The following MAGEC2 variants were observed in gnomAD, a reference collection of about 807,000 sequenced individuals.
MAGEC2 encodes MAGE family member C2.
For missense variants in MAGEC2, 332 were observed against 282.3 expected, an observed-to-expected ratio of 1.18 and a Z score of -1.26; for synonymous variants, 127 against 115.1, an observed-to-expected ratio of 1.10 and a Z score of -0.66.
rs1247533597 is a variant in MAGEC2 at position 142,202,584 on chromosome X, G to A, written c.*282C>T. ...TTACAGATCACAAAATAAGGGAGAAGGTATTTCCATTTTTTTAACAAAATA... is the reference window on the plus strand; with the variant it reads ...TTACAGATCACAAAATAAGGGAGAAAGTATTTCCATTTTTTTAACAAAATA... On this transcript the variant is annotated 3_prime_UTR_variant, in exon 3 of 3. Transcript: ENST00000247452. 7.1e-6 allele frequency: 2 copies of A among 282,326 alleles called. No homozygotes were observed. Among genetic ancestry groups the A allele is most frequent in the Admixed American group, 5.7e-5 (1 of 17,420 alleles). 23.3% of individuals were successfully genotyped at this position (282,326 alleles called of 1,213,427 possible). A position where few individuals can be genotyped will look rare whatever the true frequency, so the allele number is the denominator to read the frequency against.
At position 142,203,909 on chromosome X, in the gene MAGEC2, C is replaced by G. The variant is rs1394101125; in HGVS notation, c.79G>C (p.Asp27His). Reference sequence around the variant, plus strand: ...TCCTCATCTGTGGGATGCTGTGCATCTACCCAGTCTTCTAACTCAACTGAG... The same window carrying G: ...TCCTCATCTGTGGGATGCTGTGCATGTACCCAGTCTTCTAACTCAACTGAG... Reference protein sequence around the residue: ...PTSVELEDWVDAQHPTDEEEE... With the variant: ...PTSVELEDWVHAQHPTDEEEE... Residue 27 changes from aspartate (D) to histidine (H), a missense_variant, in exon 3 of 3, where the codon GAT becomes CAT. By Grantham distance (81) the Asp-to-His change is moderately conservative. Coordinates refer to ENST00000247452, the MANE Select transcript of MAGEC2 (RefSeq NM_016249.4). The G allele has an allele frequency of 8.5e-7, 1 of 1,179,571 alleles. No individual in the cohort carries two copies.
chrX:142,203,693 G>A lies in MAGEC2; in HGVS notation c.295C>T (p.Pro99Ser), dbSNP rs765614781. The change falls in exon 3 of 3, where the codon CCT (proline) becomes TCT (serine). Residue 99 changes from proline (P) to serine (S), a missense_variant. Coordinates refer to ENST00000247452, the MANE Select transcript of MAGEC2 (RefSeq NM_016249.4). Reference sequence around the variant, plus strand: ...AAAGAGGAGCAGCAGGAGCTCAGAGGACTCTGGGAAGGACCCTGTGGAGGA... The same window carrying A: ...AAAGAGGAGCAGCAGGAGCTCAGAGAACTCTGGGAAGGACCCTGTGGAGGA... Reference protein sequence around the residue: ...QGPPQGPSQSPLSSCCSSFSW... With the variant: ...QGPPQGPSQSSLSSCCSSFSW... 7.4e-6 allele frequency: 9 copies of A among 1,210,361 alleles called. No individual in the cohort carries two copies. The highest frequency in any genetic ancestry group is 6.7e-6 in the Non-Finnish European group (6 of 895,062).
In MAGEC2 at chrX:142,204,970, G is replaced by A. The variant is rs1023473019; in HGVS notation, c.-161+133C>T. On this transcript the variant is annotated intron_variant, in intron 1 of 2. Coordinates refer to ENST00000247452, the MANE Select transcript of MAGEC2 (RefSeq NM_016249.4). ...TACGAGGGCTGATACTTGAGGAGCA[G>A]GGTGGGAATCTCTGGGAATCTGCCC... 4 of 111,939 alleles carry A rather than the reference G, an allele frequency of 3.6e-5. No homozygotes were observed. In the Admixed American group the frequency reaches 3.8e-4, roughly 11 times the overall value. 9.2% of individuals were successfully genotyped at this position (111,939 alleles called of 1,213,427 possible). A position where few individuals can be genotyped will look rare whatever the true frequency, so the allele number is the denominator to read the frequency against.
Position 142,203,737 on chromosome X carries a change from G to A in MAGEC2, c.251C>T (p.Pro84Leu). Reference sequence around the variant, plus strand: ...TGGAGGACCCTGTGGAGGACTACTGGGAATGCTCTCGGTAAGATTTGGTAT... The same window carrying A: ...TGGAGGACCCTGTGGAGGACTACTGAGAATGCTCTCGGTAAGATTTGGTAT... ...GVIPNLTESI[P>L]SSPPQGPPQG... Residue 84 changes from proline (P) to leucine (L), a missense_variant, in exon 3 of 3, where the codon CCC becomes CTC. Coordinates refer to ENST00000247452, the MANE Select transcript of MAGEC2 (RefSeq NM_016249.4). 1 of 1,209,241 alleles carries A rather than the reference G, an allele frequency of 8.3e-7. No individual in the cohort carries two copies. Among genetic ancestry groups the A allele is most frequent in the Non-Finnish European group, 1.1e-6 (1 of 894,292 alleles).
Position 142,203,263 on chromosome X carries a change from T to C in MAGEC2, c.725A>G (p.Asn242Ser). ...CCAGATGACCTCCTCAGAGGCACAG[T>C]TGCCCTTTATGAAGATCACACTCAG... is the stretch of plus-strand genomic sequence containing the variant. ...IILSVIFIKG[N>S]CASEEVIWEV... is the part of the protein sequence containing the mutation. The change falls in exon 3 of 3, where the codon AAC becomes AGC. Residue 242 changes from asparagine to serine, a missense_variant. Asn to Ser is a conservative substitution (Grantham distance 46). Coordinates refer to ENST00000247452, the MANE Select transcript of MAGEC2 (RefSeq NM_016249.4). 8.3e-7 allele frequency: 1 copy of C among 1,211,285 alleles called. No homozygotes were observed. The highest frequency in any genetic ancestry group is 1.1e-6 in the Non-Finnish European group (1 of 895,459).
chrX:142,203,159 C>T lies in MAGEC2; in HGVS notation c.829G>A (p.Val277Ile). Residue 277 changes from valine to isoleucine, a missense_variant, in exon 3 of 3, where the codon GTT becomes ATT. Coordinates refer to ENST00000247452, the MANE Select transcript of MAGEC2 (RefSeq NM_016249.4). ...TCCAGGTAATGTCCCTGCACCCAAA[C>T]TTTAGTGAGGAGCTCCCTAGGCTCC... ...YGEPRELLTK[V>I]WVQGHYLEYR... The T allele has an allele frequency of 8.3e-7, 1 of 1,211,694 alleles. No individual in the cohort carries two copies. The highest frequency in any genetic ancestry group is 1.8e-5 in the South Asian group (1 of 56,946).
chrX:142,203,406 G>C lies in MAGEC2; in HGVS notation c.582C>G (p.Gly194=). 3.3e-6 allele frequency: 4 copies of C among 1,211,416 alleles called. No individual in the cohort carries two copies. Among genetic ancestry groups the C allele is most frequent in the Non-Finnish European group, 4.5e-6 (4 of 895,391 alleles). ...RAREFMELLF[G]LALIEVGPDH... is the part of the protein sequence containing the mutation. ...CAGGGCCCACTTCTATCAGGGCAAGGCCAAAAAGAAGCTCCATGAACTCAC... is the reference window on the plus strand; with the variant it reads ...CAGGGCCCACTTCTATCAGGGCAAGCCCAAAAAGAAGCTCCATGAACTCAC... The change falls in exon 3 of 3, where the codon GGC becomes GGG. Residue 194 remains glycine, a synonymous_variant. Transcript: ENST00000247452.
chrX:142,202,539 T>A lies in MAGEC2; in HGVS notation c.*327A>T. The A allele has an allele frequency of 5.2e-6, 1 of 193,768 alleles. No individual in the cohort carries two copies. The allele number at this position is 193,768 out of a possible 1,213,427, so 16.0% of individuals were successfully genotyped here. ...TGTAAAAAAAAAAAAAAATGCCTAT[T>A]ACAATACCACACTACCCTGTTACAG... On this transcript the variant is annotated 3_prime_UTR_variant, in exon 3 of 3. Coordinates refer to ENST00000247452, the MANE Select transcript of MAGEC2 (RefSeq NM_016249.4).
rs1340592872 is a variant in MAGEC2, at chrX:142,202,792, C to A, written c.*74G>T. 9.7e-7 allele frequency: 1 copy of A among 1,028,204 alleles called. No individual in the cohort carries two copies. The highest frequency in any genetic ancestry group is 1.9e-5 in the African/African-American group (1 of 52,533). 84.7% of individuals were successfully genotyped at this position (1,028,204 alleles called of 1,213,427 possible). A position where few individuals can be genotyped will look rare whatever the true frequency, so the allele number is the denominator to read the frequency against. On this transcript the variant is annotated 3_prime_UTR_variant, in exon 3 of 3. Transcript: ENST00000247452. Reference sequence around the variant, plus strand: ...TGCAAAGAACACTACGTTCCTCGAGCCCCACCTGGCCCTCCACTACCTAGA... The same window carrying A: ...TGCAAAGAACACTACGTTCCTCGAGACCCACCTGGCCCTCCACTACCTAGA...
At position 142,203,720 on chromosome X, in the gene MAGEC2, C is replaced by G. The variant is rs1270578445; in HGVS notation, c.268G>C (p.Gly90Arg). The change falls in exon 3 of 3, where the codon GGT (glycine) becomes CGT (arginine). Residue 90 changes from glycine (G) to arginine (R), a missense_variant. Coordinates refer to ENST00000247452, the MANE Select transcript of MAGEC2 (RefSeq NM_016249.4). ...CTCTGGGAAGGACCCTGTGGAGGAC[C>G]CTGTGGAGGACTACTGGGAATGCTC... ...TESIPSSPPQ[G>R]PPQGPSQSPL... is the part of the protein sequence containing the mutation. The G allele has an allele frequency of 8.3e-7, 1 of 1,208,894 alleles. No individual in the cohort carries two copies. The highest frequency in any genetic ancestry group is 3.0e-5 in the East Asian group (1 of 33,708).
chrX:142,204,923 G>A (rs1464201208), intron 1 of MAGEC2, among the ~76,000 whole-genome samples, 180 bp downstream of exon 1: 1 of 111,538 alleles, frequency 9.0e-6, no homozygotes, highest in Non-Finnish European at 1.9e-5. Context: ...CTGCCACCCC[G>A]CCTGAGCTGA....
In MAGEC2 at chrX:142,204,304, G is replaced by C. The variant is rs2294455; in HGVS notation, c.-67+58C>G. The C allele has an allele frequency of 9.2e-5, 39 of 422,393 alleles. No homozygotes were observed. The East Asian group carries it at 1.5e-3, about 17-fold the overall frequency. 34.8% of individuals were successfully genotyped at this position (422,393 alleles called of 1,213,427 possible). A position where few individuals can be genotyped will look rare whatever the true frequency, so the allele number is the denominator to read the frequency against. ...TAGGTGGGTAGGGCCGGGTGCTGTG[G>C]GGTCTCCTCTGTTTCTGGGGGTAGG... On this transcript the variant is annotated intron_variant, in intron 2 of 2. Coordinates refer to ENST00000247452, the MANE Select transcript of MAGEC2 (RefSeq NM_016249.4).
In MAGEC2 at chrX:142,202,812, C is replaced by A; in HGVS notation, c.*54G>T. 2 of 1,152,455 alleles carry A rather than the reference C, an allele frequency of 1.7e-6. No individual in the cohort carries two copies. The highest frequency in any genetic ancestry group is 2.3e-6 in the Non-Finnish European group (2 of 861,697). The allele number at this position is 1,152,455 out of a possible 1,213,427, so 95.0% of individuals were successfully genotyped here. A position where few individuals can be genotyped will look rare whatever the true frequency, so the allele number is the denominator to read the frequency against. ...TCGAGCCCCACCTGGCCCTCCACTACCTAGAACCTAAACTGCCCTGTTCAA... is the reference window on the plus strand; with the variant it reads ...TCGAGCCCCACCTGGCCCTCCACTAACTAGAACCTAAACTGCCCTGTTCAA... On this transcript the variant is annotated 3_prime_UTR_variant, in exon 3 of 3. Transcript: ENST00000247452.
chrX:142,202,516 T>TA lies in MAGEC2; in HGVS notation c.*349dup, dbSNP rs374515121. ...TTAACTGCTGAGTTATTGCACATTG[T>TA]AAAAAAAAAAAAAAATGCCTATTAC... On this transcript the variant is annotated 3_prime_UTR_variant, in exon 3 of 3. Transcript: ENST00000247452. 3,022 of 131,246 alleles carry TA rather than the reference T, an allele frequency of 0.023. 30 individuals carry two copies. The highest frequency in any genetic ancestry group is 0.046 in the Admixed American group (487 of 10,525). 10.8% of individuals were successfully genotyped at this position (131,246 alleles called of 1,213,427 possible). A position where few individuals can be genotyped will look rare whatever the true frequency, so the allele number is the denominator to read the frequency against.
At position 142,202,910 on chromosome X, in the gene MAGEC2, C is replaced by A; in HGVS notation, c.1078G>T (p.Glu360Ter). Residue 360 changes from glutamate (E) to a stop codon, truncating the protein, a stop_gained, in exon 3 of 3, where the codon GAA becomes TAA. Transcript: ENST00000247452. LOFTEE classifies it low-confidence loss of function (END_TRUNC). ...TADDATVMAS[E>*]SLSVMSSNVS... ...TTGCTGGACATGACACTGAGGCTTT[C>A]ACTGGCCATGACAGTGGCATCATCT... The A allele has an allele frequency of 8.3e-7, 1 of 1,211,536 alleles. No individual in the cohort carries two copies. Among genetic ancestry groups the A allele is most frequent in the Non-Finnish European group, 1.1e-6 (1 of 895,345 alleles).
At position 142,203,255 on chromosome X, in the gene MAGEC2, A is replaced by T. The variant is rs376265229; in HGVS notation, c.733T>A (p.Ser245Thr). The change falls in exon 3 of 3, where the codon TCT becomes ACT. Residue 245 changes from serine to threonine, a missense_variant. Physicochemically the swap from Ser to Thr is moderately conservative, Grantham distance 58. Coordinates refer to ENST00000247452, the MANE Select transcript of MAGEC2 (RefSeq NM_016249.4). ...SVIFIKGNCA[S>T]EEVIWEVLNA... ...AGCACTTCCCAGATGACCTCCTCAG[A>T]GGCACAGTTGCCCTTTATGAAGATC... 34 of 1,211,512 alleles carry T rather than the reference A, an allele frequency of 2.8e-5. No homozygotes were observed. The highest frequency in any genetic ancestry group is 3.4e-5 in the Non-Finnish European group (30 of 895,519).
At chrX:142,204,480 C>T in intron 1 of MAGEC2, 25 bp from the exon 2 acceptor site, 1 of 162,214 alleles carries the variant, frequency 6.2e-6, no homozygotes, top group Non-Finnish European at 1.2e-5. Context: ...GAGGGAGCCC[C>T]TCAGGCTAAA....
rs1421719984 is a variant in MAGEC2 at position 142,202,943 on chromosome X, C to A, written c.1045G>T (p.Asp349Tyr). The A allele has an allele frequency of 1.7e-6, 2 of 1,209,715 alleles. No individual in the cohort carries two copies. The highest frequency in any genetic ancestry group is 3.5e-5 in the South Asian group (2 of 56,763). ...ATGACAGTGGCATCATCTGCGGTAT[C>A]AATTGTGGCCTGGACTCTCTCTTCC... ...DVEERVQATI[D>Y]TADDATVMAS... Residue 349 changes from aspartate to tyrosine, a missense_variant, in exon 3 of 3, where the codon GAT becomes TAT. Asp to Tyr is a radical substitution (Grantham distance 160). Coordinates refer to ENST00000247452, the MANE Select transcript of MAGEC2 (RefSeq NM_016249.4).
In MAGEC2 at chrX:142,203,522, A is replaced by T; in HGVS notation, c.466T>A (p.Tyr156Asn). 1 of 1,211,257 alleles carries T rather than the reference A, an allele frequency of 8.3e-7. No homozygotes were observed. Among genetic ancestry groups the T allele is most frequent in the Non-Finnish European group, 1.1e-6 (1 of 895,357 alleles). Residue 156 changes from tyrosine to asparagine, a missense_variant, in exon 3 of 3, where the codon TAC (tyrosine) becomes AAC (asparagine). Coordinates refer to ENST00000247452, the MANE Select transcript of MAGEC2 (RefSeq NM_016249.4). The stretch of plus-strand genomic sequence containing the variant: ...TCTGTTACAGGCTCCTCTGCTTCGT[A>T]TTTGAGGAGCAGGAACTCCACTAAC... ...AELVEFLLLK[Y>N]EAEEPVTEAE...
Sources: gnomAD v4.1 joint callset for allele counts (sites outside exome capture counted in the v4.1 genomes callset) on GRCh38, gnomAD v4.1.1 for gene constraint, MANE v1.5 for transcripts, NCBI Gene and HGNC (gene_info 2026-07-23, HGNC 2026-07-21) for gene names.